Variants in MYT1 observed in about 807,000 individuals in gnomAD.
The protein encoded by MYT1 is myelin transcription factor 1.
Under a neutral mutation model 123.0 loss-of-function variants are expected in MYT1, and 23 were observed. The ratio of observed to expected loss-of-function variants is 0.19; its 90% confidence interval spans 0.13 to 0.26. The LOEUF is 0.26. MYT1 is among the 10% of genes least tolerant of loss of function. The pLI, the probability that MYT1 is intolerant of heterozygous loss-of-function variation, is 1.00. For synonymous variants in MYT1, 518 were observed against 575.3 expected, an observed-to-expected ratio of 0.90 and a Z score of 1.43; for missense variants, 1,125 against 1,472.5, an observed-to-expected ratio of 0.76 and a Z score of 3.86.
intron 18 of MYT1, among the ~76,000 whole-genome samples, chr20:64,229,285 T>C (rs1216509807): frequency 1.3e-5 from 2 of 152,240 alleles, no homozygotes; most frequent in Admixed American, 6.5e-5. Context: ...CCTATGATCA[T>C]ATAAGTGCAA....
In MYT1 at chr20:64,236,598, A is replaced by G; in HGVS notation, c.2941A>G (p.Lys981Glu). ...PRATFAGKKG[K>E]LSGDEVLSPK... ...AGCAACCTTTGCTGGAAAGAAGGGA[A>G]AACTGTCAGGGGATGAGGTCCTCAG... Residue 981 changes from lysine to glutamate, a missense_variant, in exon 20 of 23, where the codon AAA (lysine) becomes GAA (glutamate). Transcript: ENST00000328439. 1.9e-6 allele frequency: 3 copies of G among 1,613,714 alleles called. No homozygotes were observed. Among genetic ancestry groups the G allele is most frequent in the South Asian group, 1.1e-5 (1 of 91,084 alleles).
chr20:64,233,204 CCCCTAT>C, intron 19 of MYT1, among the ~76,000 whole-genome samples: 1 of 109,762 alleles, frequency 9.1e-6, no homozygotes, highest in Non-Finnish European at 1.9e-5. Flanking sequence ...CCTCTCCCTT[CCCCTAT>C]CCCTCCCCCT....
chr20:64,226,614 T>A (rs1984175675), intron 16 of MYT1, among the ~76,000 whole-genome samples: 1 of 152,150 alleles, frequency 6.6e-6, no homozygotes, highest in African/African-American at 2.4e-5. Context: ...TCAGGTCACC[T>A]CCTCCCACTC....
At chr20:64,198,778 A>T in intron 2 of MYT1, 84 bp from the exon 3 acceptor site, 1 of 1,477,276 alleles carries the variant, frequency 6.8e-7, no homozygotes, top group Non-Finnish European at 9.4e-7. Flanking sequence ...TTGAGCCAGA[A>T]AATGGCCAGA....
rs139321552 is a variant in MYT1 at position 64,170,254 on chromosome 20, C to T, written c.-99+5515C>T. Reference sequence around the variant, plus strand: ...CCTCCTTTACTTACCTTTACTCTCACGTGTCTCACATTTGAAATCCCGCTC... The same window carrying T: ...CCTCCTTTACTTACCTTTACTCTCATGTGTCTCACATTTGAAATCCCGCTC... On this transcript the variant is annotated intron_variant, in intron 1 of 22. Transcript: ENST00000328439. 1.8e-3 allele frequency among the ~76,000 whole-genome samples: 277 copies of T among 152,304 alleles called. 4 individuals carry two copies. The highest frequency in any genetic ancestry group is 1.2e-3 in the South Asian group (6 of 4,822).
chr20:64,184,372 GT>G (rs1982739253), intron 1 of MYT1, among the ~76,000 whole-genome samples: 1 of 151,610 alleles, frequency 6.6e-6, no homozygotes, highest in African/African-American at 2.4e-5. Flanking sequence ...TGGCACGTTT[GT>G]TGAAAAGACA....
At chr20:64,227,260 G>T (rs1009396458) in intron 16 of MYT1, among the ~76,000 whole-genome samples, 155 bp from the exon 17 acceptor site, 2 of 152,258 alleles carry the variant, frequency 1.3e-5, no homozygotes, top group Non-Finnish European at 2.9e-5. Flanking sequence ...CGGCAGCCGG[G>T]GTGAACATCG....
At chr20:64,211,832 G>C (rs770142401) in intron 8 of MYT1, among the ~76,000 whole-genome samples, 13 of 152,172 alleles carry the variant, frequency 8.5e-5, no homozygotes, top group Non-Finnish European at 2.9e-5. Flanking sequence ...TGGTGGCGGT[G>C]GGGGGCATGC....
Position 64,166,564 on chromosome 20 carries a change from G to C in MYT1, c.-99+1825G>C, listed in dbSNP as rs557926618. On this transcript the variant is annotated intron_variant, in intron 1 of 22. Coordinates refer to ENST00000328439, the MANE Select transcript of MYT1 (RefSeq NM_004535.3). The surrounding 1 kb of genome is among the most constrained non-coding windows in gnomAD (Gnocchi z 4.9). The stretch of plus-strand genomic sequence containing the variant: ...CCTCTTCAGAGACCCGAGGCAGGGG[G>C]GCTGCTTCTGTCCAAAGTGCCACTC... 6.6e-6 allele frequency among the ~76,000 whole-genome samples: 1 copy of C among 152,260 alleles called. No homozygotes were observed. The highest frequency in any genetic ancestry group is 6.5e-5 in the Admixed American group (1 of 15,310).
At position 64,240,633 on chromosome 20, in the gene MYT1, G is replaced by GC. The variant is rs1249973125; in HGVS notation, c.*187dup. ...CCACGAGGCTCCCTCCAGGCTTGGGGCCGTGGTGGCCCTATCTGTGTGCAT... is the reference window on the plus strand; with the variant it reads ...CCACGAGGCTCCCTCCAGGCTTGGGGCCCGTGGTGGCCCTATCTGTGTGCAT... On this transcript the variant is annotated 3_prime_UTR_variant, in exon 23 of 23. Coordinates refer to ENST00000328439, the MANE Select transcript of MYT1 (RefSeq NM_004535.3). 2.3e-5 allele frequency: 16 copies of GC among 708,334 alleles called. No homozygotes were observed. The highest frequency in any genetic ancestry group is 3.4e-5 in the Non-Finnish European group (15 of 447,366). 43.9% of individuals were successfully genotyped at this position (708,334 alleles called of 1,614,324 possible). A position where few individuals can be genotyped will look rare whatever the true frequency, so the allele number is the denominator to read the frequency against.
chr20:64,204,273 A>G (rs1601711828), intron 4 of MYT1, among the ~76,000 whole-genome samples: 1 of 152,092 alleles, frequency 6.6e-6, no homozygotes, highest in South Asian at 2.1e-4. Context: ...ATATAGGGAG[A>G]CAGATGATGG....
intron 4 of MYT1, among the ~76,000 whole-genome samples, chr20:64,200,162 C>A (rs1052878606): frequency 6.6e-6 from 1 of 152,204 alleles, no homozygotes; most frequent in African/African-American, 2.4e-5. Flanking sequence ...GGCAAGGACA[C>A]GGATGTGCCT....
rs767653618 is a variant in MYT1 at position 64,198,932 on chromosome 20, C to G, written c.55+16C>G. The stretch of plus-strand genomic sequence containing the variant: ...GCCCTGCGAGGTGAGTGCCGCCCTC[C>G]CCTCCTCCAGGGCTGTAAATGCCAC... On this transcript the variant is annotated intron_variant, in intron 3 of 22. Transcript: ENST00000328439. 24 of 1,613,444 alleles carry G rather than the reference C, an allele frequency of 1.5e-5. No homozygotes were observed. The highest frequency in any genetic ancestry group is 1.2e-4 in the South Asian group (11 of 91,072).
Position 64,219,986 on chromosome 20 carries a change from G to T in MYT1, c.2241+4G>T. On this transcript the variant is annotated splice_donor_region_variant and intron_variant, in intron 13 of 22. Transcript: ENST00000328439. The stretch of plus-strand genomic sequence containing the variant: ...GAGAGAGGAGGAACCTGAGGAGGTG[G>T]GTGCAGGCGCCTGGGCAAGCAGTCA... 1 of 1,466,668 alleles carries T rather than the reference G, an allele frequency of 6.8e-7. No homozygotes were observed. Among genetic ancestry groups the T allele is most frequent in the Non-Finnish European group, 9.0e-7 (1 of 1,106,282 alleles). 90.9% of individuals were successfully genotyped at this position (1,466,668 alleles called of 1,614,324 possible).
intron 16 of MYT1, 114 bp from the exon 17 acceptor site, chr20:64,227,301 G>A: frequency 1.2e-6 from 1 of 863,842 alleles, no homozygotes; most frequent in East Asian, 2.7e-5. Flanking sequence ...AGGGAATGTG[G>A]GTGGGCGCAC....
rs1014181022 is a variant in MYT1 at position 64,196,517 on chromosome 20, C to G, written c.1-2345C>G. On this transcript the variant is annotated intron_variant, in intron 2 of 22. Transcript: ENST00000328439. This position sits in a 1 kb window ranked among gnomAD's most constrained non-coding sequence, Gnocchi z 4.3. The stretch of plus-strand genomic sequence containing the variant: ...CTGCTGATTTCAAATAGCTCAGAAA[C>G]CAGTGTCCCAAGTCACCCAGCTCTT... Among the ~76,000 whole-genome samples the G allele has an allele frequency of 2.0e-5, 3 of 152,232 alleles. No homozygotes were observed. Among genetic ancestry groups the G allele is most frequent in the Admixed American group, 6.5e-5 (1 of 15,286 alleles).
rs1445499712 is a variant in MYT1, at chr20:64,240,228, G to A, written c.3238-92G>A. 8 of 1,544,100 alleles carry A rather than the reference G, an allele frequency of 5.2e-6. No homozygotes were observed. In the African/African-American group the frequency reaches 5.4e-5, roughly 11 times the overall value. On this transcript the variant is annotated intron_variant, in intron 22 of 22. Transcript: ENST00000328439. ...TTGGTGTGGGCTTGTCTCAGGTCAC[G>A]TGGGGACATAGGTTTGATGCTCCCA...
At chr20:64,170,884 T>TATATAGAG (rs1569303821) in intron 1 of MYT1, among the ~76,000 whole-genome samples, 6 of 20,008 alleles carry the variant, frequency 3.0e-4, no homozygotes, top group African/African-American at 4.6e-4. Context: ...TATATATATA[T>TATATAGAG]AGAGAGAGAG....
chr20:64,207,650 T>C lies in MYT1; in HGVS notation c.454T>C (p.Ser152Pro), dbSNP rs756644098. ...GSNPIGSATA[S>P]SKGSYSSYQG... ...CAACCCCATCGGCAGCGCCACTGCC[T>C]CCTCCAAGGGCAGCTACAGCAGCTA... is the stretch of plus-strand genomic sequence containing the variant. The change falls in exon 7 of 23, where the codon TCC becomes CCC. Residue 152 changes from serine to proline, a missense_variant. Physicochemically the swap from Ser to Pro is moderately conservative, Grantham distance 74. Transcript: ENST00000328439. 3 of 1,613,972 alleles carry C rather than the reference T, an allele frequency of 1.9e-6. No individual in the cohort carries two copies. The highest frequency in any genetic ancestry group is 2.5e-6 in the Non-Finnish European group (3 of 1,180,010).
Sources: allele counts gnomAD v4.1 joint callset (sites outside exome capture counted in the v4.1 genomes callset), GRCh38; gene constraint gnomAD v4.1.1; non-coding constraint Gnocchi (gnomAD v3.1); transcripts MANE v1.5; gene names NCBI Gene and HGNC (gene_info 2026-07-23, HGNC 2026-07-21).